The following CHEK1 variants were observed in gnomAD, a reference collection of about 807,000 sequenced individuals.
The protein encoded by CHEK1 is serine/threonine-protein kinase Chk1.
A neutral mutation model predicts 60.2 loss-of-function variants in CHEK1; 32 were observed. The observed-to-expected ratio is 0.53, with a 90% CI of 0.40 to 0.71. The LOEUF is 0.71. Among genes scored for constraint, CHEK1 ranks in the 30% least tolerant of loss-of-function variants. The probability of loss-of-function intolerance (pLI) is 0.00; values close to 1 mark genes in which losing one functional copy is unlikely to be tolerated. For missense variants in CHEK1, 399 were observed against 564.6 expected (o/e 0.71, Z 2.97); for synonymous variants, 179 against 187.2 (o/e 0.96, Z 0.36).
chr11:125,680,957 G>A (rs899052060), downstream of CHEK1: 8 of 557,258 alleles, frequency 1.4e-5, no homozygotes, highest in Admixed American at 6.4e-5. Flanking sequence ...TGTGTAGCCT[G>A]TTCAGGCAAG....
intron 13 of CHEK1, among the ~76,000 whole-genome samples, chr11:125,665,515 CCCT>C (rs763302248): frequency 3.3e-5 from 5 of 151,934 alleles, no homozygotes; most frequent in Non-Finnish European, 5.9e-5. Context: ...TGATAGGATT[CCCT>C]CCTCTTCACT....
chr11:125,672,542 G>A, intron 13 of CHEK1: 5 of 1,606,044 alleles, frequency 3.1e-6, no homozygotes, highest in Non-Finnish European at 3.4e-6. Context: ...GCCAAATAGA[G>A]TGATGGAGGC....
chr11:125,640,907 G>C (rs1353388598), intron 8 of CHEK1, among the ~76,000 whole-genome samples: 1 of 152,092 alleles, frequency 6.6e-6, no homozygotes. Flanking sequence ...GGGATTATAG[G>C]CATGAGCCAC....
At chr11:125,671,111 T>G (rs1339717047) in intron 13 of CHEK1, among the ~76,000 whole-genome samples, 4 of 152,168 alleles carry the variant, frequency 2.6e-5, no homozygotes, top group African/African-American at 9.7e-5. Context: ...CTTGCTGTGT[T>G]GCCCAAGCTG....
rs1469875031 is a variant in CHEK1 at position 125,653,178 on chromosome 11, G to T, written c.1234-568G>T. ...ATATGGCTGAGTAGTATTTCATTGT[G>T]TATATATATCATATTATCCTCATCT... On this transcript the variant is annotated intron_variant, in intron 11 of 12. Coordinates refer to ENST00000438015, the MANE Select transcript of CHEK1 (RefSeq NM_001114122.3). This position sits in a 1 kb window ranked among gnomAD's most constrained non-coding sequence, Gnocchi z 4.3. Among the ~76,000 whole-genome samples the T allele has an allele frequency of 6.6e-6, 1 of 152,064 alleles. No homozygotes were observed. Among genetic ancestry groups the T allele is most frequent in the African/African-American group, 2.4e-5 (1 of 41,386 alleles).
At position 125,625,548 on chromosome 11, in the gene CHEK1, G is replaced by A. The variant is rs1565359212; in HGVS notation, c.-485G>A. 2 of 585,988 alleles carry A rather than the reference G, an allele frequency of 3.4e-6. No homozygotes were observed. Among genetic ancestry groups the A allele is most frequent in the Non-Finnish European group, 6.1e-6 (2 of 327,960 alleles). The allele number at this position is 585,988 out of a possible 1,614,324, so 36.3% of individuals were successfully genotyped here. On this transcript the variant is annotated 5_prime_UTR_variant, in exon 1 of 13. Coordinates refer to ENST00000438015, the MANE Select transcript of CHEK1 (RefSeq NM_001114122.3). ...CACCGACTGTGATCCTCACAGTCCT[G>A]TCCGGTGGCCTCACGCAGGTGGCGG...
intron 13 of CHEK1, among the ~76,000 whole-genome samples, chr11:125,675,152 A>T (rs1365249819): frequency 3.3e-5 from 5 of 152,226 alleles, no homozygotes; most frequent in Non-Finnish European, 7.3e-5. Flanking sequence ...AGGATTTTTT[A>T]AAGTTGCTCA....
intron 11 of CHEK1, among the ~76,000 whole-genome samples, chr11:125,651,964 A>C (rs181176597): frequency 2.0e-5 from 3 of 152,056 alleles, no homozygotes; most frequent in African/African-American, 7.2e-5. Flanking sequence ...TCAGTTCTTG[A>C]AGTATTTTCT....
intron 13 of CHEK1, among the ~76,000 whole-genome samples, chr11:125,666,951 T>TTTG (rs954007836): frequency 2.0e-4 from 30 of 151,946 alleles, no homozygotes; most frequent in African/African-American, 2.7e-4. Flanking sequence ...TCAGACAACT[T>TTTG]TTGTTGTTGT....
chr11:125,626,865 G>C, intron 2 of CHEK1, 32 bp downstream of exon 2: 2 of 1,606,276 alleles, frequency 1.2e-6, no homozygotes, highest in Non-Finnish European at 1.7e-6. Flanking sequence ...TTCGTTTTCT[G>C]AGTGCATATT....
chr11:125,667,413 G>C (rs1233384463), intron 13 of CHEK1, among the ~76,000 whole-genome samples: 2 of 151,970 alleles, frequency 1.3e-5, no homozygotes, highest in Non-Finnish European at 2.9e-5. Flanking sequence ...CTCTTGAATT[G>C]GTTCTCAGCT....
downstream of CHEK1, chr11:125,676,297 C>T: frequency 3.1e-6 from 5 of 1,591,146 alleles, no homozygotes; most frequent in Non-Finnish European, 4.3e-6. Flanking sequence ...TCCAACTGCC[C>T]CCTACCAGAA....
Position 125,625,585 on chromosome 11 carries a change from A to C in CHEK1, c.-448A>C, listed in dbSNP as rs569300394. ...CACGCAGGTGGCGGTGCAGCCTTTC[A>C]GGCCCAGAGCGGCCAGGAGCGAAGC... is the stretch of plus-strand genomic sequence containing the variant. On this transcript the variant is annotated 5_prime_UTR_variant, in exon 1 of 13. Coordinates refer to ENST00000438015, the MANE Select transcript of CHEK1 (RefSeq NM_001114122.3). 2.9e-5 allele frequency: 17 copies of C among 589,702 alleles called. No individual in the cohort carries two copies. The highest frequency in any genetic ancestry group is 4.8e-5 in the Non-Finnish European group (16 of 329,904). The allele number at this position is 589,702 out of a possible 1,614,324, so 36.5% of individuals were successfully genotyped here. A position where few individuals can be genotyped will look rare whatever the true frequency, so the allele number is the denominator to read the frequency against.
At chr11:125,651,412 C>T (rs887355721) in intron 11 of CHEK1, among the ~76,000 whole-genome samples, 1 of 151,600 alleles carries the variant, frequency 6.6e-6, no homozygotes, top group Non-Finnish European at 1.5e-5. Context: ...CTCAGCCTCC[C>T]AAGTAGCTGG....
In CHEK1 at chr11:125,655,501, T is replaced by C. The variant is rs925778195; in HGVS notation, c.*181T>C. 1.6e-5 allele frequency: 7 copies of C among 444,396 alleles called. No individual in the cohort carries two copies. Among genetic ancestry groups the C allele is most frequent in the African/African-American group, 6.1e-5 (3 of 49,322 alleles). 27.5% of individuals were successfully genotyped at this position (444,396 alleles called of 1,614,324 possible). On this transcript the variant is annotated 3_prime_UTR_variant, in exon 13 of 13. Transcript: ENST00000438015. ...TTGTTCGGCATACAAATAATACCTA[T>C]ATCTTAATTGTAAGCAAAACTTTGG...
At chr11:125,635,723 A>T (rs185150155) in intron 7 of CHEK1, 190 bp downstream of exon 7, 2 of 357,696 alleles carry the variant, frequency 5.6e-6, no homozygotes, top group East Asian at 9.5e-5. Flanking sequence ...TCTGCAATAG[A>T]TTTTTAAAAA....
intron 5 of CHEK1, among the ~76,000 whole-genome samples, chr11:125,632,062 G>A (rs1482743359): frequency 6.6e-6 from 1 of 151,784 alleles, no homozygotes; most frequent in Non-Finnish European, 1.5e-5. Context: ...TGTGTAAAAG[G>A]CCAATATAAA....
rs1941893529 is a variant in CHEK1 at position 125,656,024 on chromosome 11, C to G, written c.*704C>G. On this transcript the variant is annotated 3_prime_UTR_variant, in exon 13 of 13. Coordinates refer to ENST00000438015, the MANE Select transcript of CHEK1 (RefSeq NM_001114122.3). ...TTTTCTATATTTTCTACTTTCATAG[C>G]CATATTTTAACCTTTTCAACTTACT... is the stretch of plus-strand genomic sequence containing the variant. 4.8e-6 allele frequency: 1 copy of G among 209,968 alleles called. No homozygotes were observed. The highest frequency in any genetic ancestry group is 9.6e-6 in the Non-Finnish European group (1 of 103,678). 13.0% of individuals were successfully genotyped at this position (209,968 alleles called of 1,614,324 possible).
chr11:125,662,294 G>C (rs1942031866), intron 13 of CHEK1, among the ~76,000 whole-genome samples: 1 of 151,032 alleles, frequency 6.6e-6, no homozygotes, highest in African/African-American at 2.5e-5. Flanking sequence ...CCCACATAGT[G>C]GAAGGGGCAA....
Sources: gnomAD v4.1 joint callset for allele counts (sites outside exome capture counted in the v4.1 genomes callset) on GRCh38, gnomAD v4.1.1 for gene constraint, Gnocchi (gnomAD v3.1) non-coding constraint, MANE v1.5 for transcripts, NCBI Gene and HGNC (gene_info 2026-07-23, HGNC 2026-07-21) for gene names.